Variants in TBCK observed in about 807,000 individuals in gnomAD.
TBCK encodes TBC domain-containing protein kinase-like protein.
Under a neutral mutation model 113.4 loss-of-function variants are expected in TBCK, and 99 were observed. That is an observed-to-expected ratio of 0.87 (90% CI 0.74 to 1.03). The LOEUF is 1.03. Among genes scored for constraint, TBCK ranks in the 50% least tolerant of loss-of-function variants. The pLI is 0.00. For synonymous variants in TBCK, 369 were observed against 370.8 expected, an observed-to-expected ratio of 1.00 and a Z score of 0.05; for missense variants, 1,045 against 1,061.3, an observed-to-expected ratio of 0.98 and a Z score of 0.21.
chr4:106,216,237 A>G (rs1361183408), intron 19 of TBCK, among the ~76,000 whole-genome samples: 1 of 151,036 alleles, frequency 6.6e-6, no homozygotes, highest in African/African-American at 2.4e-5. Context: ...GGAAATTTAT[A>G]GCACTAAATG....
chr4:106,151,218 CTA>C (rs1748447478), intron 23 of TBCK, among the ~76,000 whole-genome samples: 1 of 151,920 alleles, frequency 6.6e-6, no homozygotes, highest in Non-Finnish European at 1.5e-5. Flanking sequence ...TTATACACTT[CTA>C]GTTATTTTAA....
Position 106,211,218 on chromosome 4 carries a change from C to CA in TBCK, c.1860+1531dup, listed in dbSNP as rs1313156560. On this transcript the variant is annotated intron_variant, in intron 20 of 25. Coordinates refer to ENST00000394708, the MANE Select transcript of TBCK (RefSeq NM_001163435.3). ...TAAATACTTAATATTCTTTTTTACTCAAAAATCTAACACCATTACCAACTT... is the reference window on the plus strand; with the variant it reads ...TAAATACTTAATATTCTTTTTTACTCAAAAAATCTAACACCATTACCAACTT... 2.0e-5 allele frequency among the ~76,000 whole-genome samples: 3 copies of CA among 152,088 alleles called. No homozygotes were observed. In the East Asian group the frequency reaches 5.8e-4, roughly 29 times the overall value.
chr4:106,216,257 G>C (rs1470051368), intron 19 of TBCK, among the ~76,000 whole-genome samples: 2 of 150,340 alleles, frequency 1.3e-5, no homozygotes, highest in East Asian at 2.0e-4. Flanking sequence ...GCCCACAAGA[G>C]AAAGCAGGAA....
At chr4:106,309,037 G>C in intron 1 of TBCK, 48 bp from the exon 2 acceptor site, 1 of 1,270,832 alleles carries the variant, frequency 7.9e-7, no homozygotes, top group Admixed American at 2.7e-5. Context: ...AAGCCAGACA[G>C]ACCAAATCTT....
At position 106,248,969 on chromosome 4, in the gene TBCK, G is replaced by A. The variant is rs1438771366; in HGVS notation, c.672C>T (p.Asp224=). 6.2e-7 allele frequency: 1 copy of A among 1,606,110 alleles called. No individual in the cohort carries two copies. The highest frequency in any genetic ancestry group is 8.5e-7 in the Non-Finnish European group (1 of 1,176,928). ...GCTCTTCAGCCAGAACTATTAAAGT[G>A]TCATCTACACAATCTATAAAACAGA... is the stretch of plus-strand genomic sequence containing the variant. ...KFLLTLDCVD[D]TLIVLAEEHG... The change falls in exon 8 of 26, where the codon GAC becomes GAT. Residue 224 remains aspartate, a synonymous_variant. Transcript: ENST00000394708.
In TBCK at chr4:106,155,573, TA is replaced by T. The variant is rs759436679; in HGVS notation, c.2235+15521del. On this transcript the variant is annotated intron_variant, in intron 23 of 25. Coordinates refer to ENST00000394708, the MANE Select transcript of TBCK (RefSeq NM_001163435.3). ...CCTATAGGTATGCTTCATTGTTTTT[TA>T]TTCTTTTCTCTTTTGTCTCCTCTGA... 1.1e-4 allele frequency among the ~76,000 whole-genome samples: 16 copies of T among 152,242 alleles called. No homozygotes were observed. In the East Asian group the frequency reaches 2.7e-3, roughly 26 times the overall value.
chr4:106,249,185 C>T (rs373574810), intron 7 of TBCK, among the ~76,000 whole-genome samples: 1 of 152,072 alleles, frequency 6.6e-6, no homozygotes, highest in African/African-American at 2.4e-5. Context: ...GAATAACTGA[C>T]ACTGAAAGAT....
At chr4:106,092,003 TAC>T (rs1740310059) in intron 25 of TBCK, among the ~76,000 whole-genome samples, 1 of 152,210 alleles carries the variant, frequency 6.6e-6, no homozygotes, top group Non-Finnish European at 1.5e-5. Context: ...ATTAGCTAGA[TAC>T]AGAGTGCTGA....
chr4:106,068,979 T>G (rs1231120598), intron 25 of TBCK, among the ~76,000 whole-genome samples: 8 of 96,094 alleles, frequency 8.3e-5, no homozygotes, highest in Admixed American at 2.1e-4. Context: ...TCGCCCACTT[T>G]TTGATGGGGT....
rs72964483 is a variant in TBCK, at chr4:106,137,087, G to C, written c.2236-20709C>G. 4.6e-3 allele frequency among the ~76,000 whole-genome samples: 646 copies of C among 140,692 alleles called. 56 individuals are homozygous for C. The highest frequency in any genetic ancestry group is 0.014 in the African/African-American group (571 of 39,898). 92.3% of individuals were successfully genotyped at this position (140,692 alleles called of 152,430 possible). On this transcript the variant is annotated intron_variant, in intron 23 of 25. Coordinates refer to ENST00000394708, the MANE Select transcript of TBCK (RefSeq NM_001163435.3). ...AGATATGTGAAACTGAGATGGTACA[G>C]TGACACTTGTCACTGTCAAAGATGT...
At chr4:106,121,497 T>C (rs1333929208) in intron 23 of TBCK, among the ~76,000 whole-genome samples, 1 of 149,988 alleles carries the variant, frequency 6.7e-6, no homozygotes, top group African/African-American at 2.5e-5. Flanking sequence ...TACCCAGGAA[T>C]TGAACTCAGC....
chr4:106,292,925 G>A (rs1335456442), intron 3 of TBCK, among the ~76,000 whole-genome samples: 1 of 152,198 alleles, frequency 6.6e-6, no homozygotes, highest in Non-Finnish European at 1.5e-5. Flanking sequence ...TATGGGGGTG[G>A]CAAGTGAACA....
chr4:106,071,092 T>C (rs1272596993), intron 25 of TBCK, among the ~76,000 whole-genome samples: 1 of 152,180 alleles, frequency 6.6e-6, no homozygotes, highest in Non-Finnish European at 1.5e-5. Context: ...TGTTTCTCTA[T>C]CTCCTTCAGT....
intron 25 of TBCK, among the ~76,000 whole-genome samples, chr4:106,084,519 A>G (rs945493558): frequency 6.6e-6 from 1 of 152,206 alleles, no homozygotes; most frequent in Non-Finnish European, 1.5e-5. Context: ...ACACTTCAGG[A>G]TATTAGCCAG....
At chr4:106,311,214 C>T (rs931731350) in intron 1 of TBCK, among the ~76,000 whole-genome samples, 3 of 150,550 alleles carry the variant, frequency 2.0e-5, no homozygotes, top group Admixed American at 2.0e-4. Context: ...CACACACACA[C>T]ACACACACAC....
intron 3 of TBCK, among the ~76,000 whole-genome samples, chr4:106,272,584 C>T (rs1252821901): frequency 2.6e-5 from 4 of 151,062 alleles, no homozygotes; most frequent in African/African-American, 9.8e-5. Flanking sequence ...CTCCGTCTCC[C>T]AGGTTCATGC....
At chr4:106,240,616 T>C (rs1375912792) in intron 12 of TBCK, among the ~76,000 whole-genome samples, 1 of 151,972 alleles carries the variant, frequency 6.6e-6, no homozygotes, top group East Asian at 1.9e-4. Flanking sequence ...TTTGGTACAT[T>C]TTACTACATG....
At chr4:106,133,731 C>T (rs182254399) in intron 23 of TBCK, among the ~76,000 whole-genome samples, 2 of 152,312 alleles carry the variant, frequency 1.3e-5, no homozygotes, top group East Asian at 3.9e-4. Context: ...AATATTTAGG[C>T]TGGTCGTGAT....
Position 106,156,017 on chromosome 4 carries a change from C to G in TBCK, c.2235+15078G>C, listed in dbSNP as rs115517320. Among the ~76,000 whole-genome samples, 1,101 of 152,122 alleles carry G rather than the reference C, an allele frequency of 7.2e-3. 13 individuals carry two copies. The highest frequency in any genetic ancestry group is 0.02 in the South Asian group (96 of 4,820). ...TCTTCACAGTCTGGGCTAATTTGAA[C>G]CTGTATTTCCTGCAAGGCTTTTCAG... On this transcript the variant is annotated intron_variant, in intron 23 of 25. Coordinates refer to ENST00000394708, the MANE Select transcript of TBCK (RefSeq NM_001163435.3).
Sources: allele counts gnomAD v4.1 joint callset (sites outside exome capture counted in the v4.1 genomes callset), GRCh38; gene constraint gnomAD v4.1.1; transcripts MANE v1.5; gene names NCBI Gene and HGNC (gene_info 2026-07-23, HGNC 2026-07-21).